LARGE1: variants seen among roughly 807,000 people sequenced by gnomAD.
LARGE1 encodes LARGE xylosyl- and glucuronyltransferase 1.
A neutral mutation model predicts 87.6 loss-of-function variants in LARGE1; 43 were observed. That is an observed-to-expected ratio of 0.49 (90% CI 0.38 to 0.63). The LOEUF (loss-of-function observed/expected upper bound fraction) is 0.63. Among genes scored for constraint, LARGE1 ranks in the 30% least tolerant of loss-of-function variants. The probability of loss-of-function intolerance (pLI) is 0.00; values close to 1 mark genes in which losing one functional copy is unlikely to be tolerated. For synonymous variants in LARGE1, 434 were observed against 394.6 expected, an observed-to-expected ratio of 1.10 and a Z score of -1.18; for missense variants, 802 against 1,000.2, an observed-to-expected ratio of 0.80 and a Z score of 2.67.
intron 9 of LARGE1, among the ~76,000 whole-genome samples, chr22:33,346,870 G>C (rs1032669091): frequency 1.2e-4 from 18 of 152,144 alleles, no homozygotes; most frequent in African/African-American, 4.3e-4. Flanking sequence ...GTGGCCACGT[G>C]ACCTAGGAAT....
chr22:33,852,295 G>A (rs1039684783), intron 1 of LARGE1, among the ~76,000 whole-genome samples: 2 of 152,094 alleles, frequency 1.3e-5, no homozygotes, highest in Non-Finnish European at 2.9e-5. Context: ...AACTGAAACC[G>A]ATGCTCCCAG....
rs542844268 is a variant in LARGE1, at chr22:33,331,690, G to C, written c.1287+5956C>G. ...CCCAAAGTGCTGGGATTACCGGCGT[G>C]AGCCACCGCACCTGGCCTGTGCAGC... On this transcript the variant is annotated intron_variant, in intron 10 of 14. Coordinates refer to ENST00000397394, the MANE Select transcript of LARGE1 (RefSeq NM_133642.5). 3.3e-5 allele frequency among the ~76,000 whole-genome samples: 5 copies of C among 152,242 alleles called. No individual in the cohort carries two copies. The South Asian group carries it at 1.0e-3, about 32-fold the overall frequency.
At chr22:33,769,064 C>T (rs2084989324) in intron 1 of LARGE1, among the ~76,000 whole-genome samples, 1 of 152,230 alleles carries the variant, frequency 6.6e-6, no homozygotes, top group Non-Finnish European at 1.5e-5. Context: ...AAACTGTTCA[C>T]ATCCTAGACT....
At chr22:33,343,051 T>G (rs1041315064) in intron 9 of LARGE1, among the ~76,000 whole-genome samples, 1 of 152,214 alleles carries the variant, frequency 6.6e-6, no homozygotes, top group African/African-American at 2.4e-5. Context: ...GCAATTACTT[T>G]TGCACCAACC....
At chr22:33,922,274 G>C (rs1027383656), upstream of LARGE1, 1 of 148,690 alleles carries the variant, frequency 6.7e-6, no homozygotes, top group Non-Finnish European at 1.5e-5. Flanking sequence ...GTCGGGCTGG[G>C]GGGGTGGGGC....
intron 7 of LARGE1, among the ~76,000 whole-genome samples, chr22:33,392,963 A>G (rs187812267): frequency 1.3e-5 from 2 of 152,348 alleles, no homozygotes; most frequent in Admixed American, 1.3e-4. Context: ...GGTGGCTTAT[A>G]GTGTCACAGC....
chr22:33,202,278 A>G (rs901096422), intron 11 of LARGE1, among the ~76,000 whole-genome samples: 6 of 152,098 alleles, frequency 3.9e-5, no homozygotes, highest in Non-Finnish European at 7.4e-5. Context: ...AATATGATCC[A>G]CCGTTTCTGT....
the LARGE1 span, among the ~76,000 whole-genome samples, chr22:33,117,067 G>A: frequency 5.3e-5 from 8 of 152,152 alleles, no homozygotes; most frequent in African/African-American, 1.9e-4. Context: ...AATGCCTAGA[G>A]GCCTCTCTGA....
At chr22:33,737,499 T>C (rs1050446562) in intron 2 of LARGE1, 20 of 152,058 alleles carry the variant, frequency 1.3e-4, no homozygotes, top group African/African-American at 4.3e-4. Context: ...TTTTTGTGCT[T>C]TAGGTGCATT....
At chr22:33,184,082 A>G (rs1265880252) in intron 11 of LARGE1, among the ~76,000 whole-genome samples, 1 of 142,468 alleles carries the variant, frequency 7.0e-6, no homozygotes, top group Non-Finnish European at 1.5e-5. Flanking sequence ...TGTGGTAATC[A>G]GTACACTATA....
At chr22:33,455,845 G>A (rs565734540) in intron 6 of LARGE1, among the ~76,000 whole-genome samples, 6 of 151,986 alleles carry the variant, frequency 3.9e-5, no homozygotes, top group South Asian at 2.1e-4. Flanking sequence ...ATTCTTGTGC[G>A]TGAAGAGTGA....
At chr22:33,110,091 C>T in the LARGE1 span, among the ~76,000 whole-genome samples, 1 of 152,222 alleles carries the variant, frequency 6.6e-6, no homozygotes, top group African/African-American at 2.4e-5. Context: ...TAAATTATCT[C>T]AGATACTGTC....
rs917403763 is a variant in LARGE1 at position 33,363,069 on chromosome 22, A to G, written c.1131+18850T>C. ...AATGACATTTTCAATCATCTGACCC[A>G]GCATGGGGCTCCCGCTTTTCCCACA... On this transcript the variant is annotated intron_variant, in intron 9 of 14. Coordinates refer to ENST00000397394, the MANE Select transcript of LARGE1 (RefSeq NM_133642.5). 2.1e-4 allele frequency among the ~76,000 whole-genome samples: 31 copies of G among 150,336 alleles called. 4 individuals are homozygous for G. Among genetic ancestry groups the G allele is most frequent in the Admixed American group, 1.1e-3 (17 of 15,164 alleles).
intron 11 of LARGE1, among the ~76,000 whole-genome samples, chr22:33,241,807 C>T (rs1926536807): frequency 1.3e-5 from 2 of 152,042 alleles, no homozygotes; most frequent in Non-Finnish European, 2.9e-5. Flanking sequence ...ACAAGTTGAA[C>T]TCCTACAAGT....
intron 11 of LARGE1, among the ~76,000 whole-genome samples, chr22:33,219,311 C>T (rs1055419588): frequency 2.0e-5 from 3 of 152,168 alleles, no homozygotes; most frequent in Non-Finnish European, 4.4e-5. Flanking sequence ...TGTCTCTCAT[C>T]GTGTCAGTCA....
At chr22:33,862,792 C>A (rs952353243) in intron 1 of LARGE1, among the ~76,000 whole-genome samples, 1 of 152,054 alleles carries the variant, frequency 6.6e-6, no homozygotes, top group Non-Finnish European at 1.5e-5. Context: ...AATCTATTAA[C>A]ACAAAAAGGG....
chr22:33,211,500 T>C (rs112020499), intron 11 of LARGE1, among the ~76,000 whole-genome samples: 2 of 152,026 alleles, frequency 1.3e-5, no homozygotes, highest in Admixed American at 1.3e-4. Context: ...AGGCTGGGCG[T>C]GGTGGCTCAA....
intron 6 of LARGE1, among the ~76,000 whole-genome samples, chr22:33,545,118 A>G (rs2077318983): frequency 6.6e-6 from 1 of 152,148 alleles, no homozygotes; most frequent in Non-Finnish European, 1.5e-5. Flanking sequence ...AATCACAGAC[A>G]TAGAAGAGAC....
At chr22:33,593,923 C>T (rs146912574) in intron 5 of LARGE1, among the ~76,000 whole-genome samples, 84 of 152,294 alleles carry the variant, frequency 5.5e-4, no homozygotes, top group African/African-American at 1.9e-3. Context: ...ACCCAAAATT[C>T]ATGTTTTGGT....
Sources: gnomAD v4.1 joint callset for allele counts (sites outside exome capture counted in the v4.1 genomes callset) on GRCh38, gnomAD v4.1.1 for gene constraint, MANE v1.5 for transcripts, NCBI Gene and HGNC (gene_info 2026-07-23, HGNC 2026-07-21) for gene names.